Variants in CNTN5 observed in about 807,000 individuals in gnomAD.
CNTN5 encodes the protein contactin-5.
A neutral mutation model predicts 129.1 loss-of-function variants in CNTN5; 77 were observed. That is an observed-to-expected ratio of 0.60 (90% CI 0.50 to 0.72). CNTN5 has a LOEUF of 0.72. CNTN5 is among the 30% of genes least tolerant of loss of function. The pLI is 0.00. For synonymous variants in CNTN5, 509 were observed against 465.6 expected, an observed-to-expected ratio of 1.09 and a Z score of -1.20; for missense variants, 1,478 against 1,328.8, an observed-to-expected ratio of 1.11 and a Z score of -1.75.
chr11:99,960,055 TC>T (rs761804005), intron 8 of CNTN5, among the ~76,000 whole-genome samples: 14 of 152,156 alleles, frequency 9.2e-5, no homozygotes, highest in Non-Finnish European at 1.8e-4. Context: ...ACTTCTAACT[TC>T]CCTTTTTTGT....
chr11:99,070,042 C>T (rs1279283420), intron 1 of CNTN5, among the ~76,000 whole-genome samples: 1 of 152,204 alleles, frequency 6.6e-6, no homozygotes, highest in African/African-American at 2.4e-5. Flanking sequence ...GGCTGCCTCT[C>T]TCCAGCACAG....
chr11:100,243,072 G>T (rs2138687138), intron 16 of CNTN5, among the ~76,000 whole-genome samples: 1 of 152,286 alleles, frequency 6.6e-6, no homozygotes, highest in African/African-American at 2.4e-5. Context: ...TAATCCTTCA[G>T]AATTTTCTCA....
At chr11:99,631,458 A>G (rs573704816) in intron 3 of CNTN5, among the ~76,000 whole-genome samples, 11 of 152,158 alleles carry the variant, frequency 7.2e-5, no homozygotes, top group Non-Finnish European at 1.5e-4. Flanking sequence ...TTTAATTATA[A>G]AAACATTATT....
intron 3 of CNTN5, among the ~76,000 whole-genome samples, chr11:99,724,899 G>C (rs964280023): frequency 2.0e-5 from 3 of 152,124 alleles, no homozygotes; most frequent in Admixed American, 1.3e-4. Context: ...AAAGGACTCA[G>C]TAAGGCTAAT....
At position 100,271,379 on chromosome 11, in the gene CNTN5, TTTTC is replaced by T. The variant is rs1857451038; in HGVS notation, c.2314+142_2314+145del. 9.9e-6 allele frequency: 5 copies of T among 506,298 alleles called. 1 individual carries two copies. The South Asian group carries it at 2.1e-4, about 21-fold the overall frequency. 31.4% of individuals were successfully genotyped at this position (506,298 alleles called of 1,614,324 possible). A position where few individuals can be genotyped will look rare whatever the true frequency, so the allele number is the denominator to read the frequency against. On this transcript the variant is annotated intron_variant, in intron 18 of 24. Coordinates refer to ENST00000524871, the MANE Select transcript of CNTN5 (RefSeq NM_014361.4). ...CATTTACCTAAACATCATAAAATTA[TTTTC>T]TTTAAAATAATTATTTCATTTTATT...
At chr11:99,628,611 G>C (rs1591384219) in intron 3 of CNTN5, among the ~76,000 whole-genome samples, 2 of 147,146 alleles carry the variant, frequency 1.4e-5, no homozygotes, top group African/African-American at 5.1e-5. Flanking sequence ...GCTAAATAAT[G>C]ACACACACAC....
At chr11:100,021,880 C>A (rs995862254) in intron 9 of CNTN5, among the ~76,000 whole-genome samples, 9 of 152,094 alleles carry the variant, frequency 5.9e-5, no homozygotes, top group African/African-American at 2.2e-4. Context: ...AGTTAAAAAG[C>A]CAAAGAACTT....
rs12223046 is a variant in CNTN5 at position 100,333,253 on chromosome 11, C to T, written c.2731-7210C>T. Among the ~76,000 whole-genome samples, 3,153 of 151,870 alleles carry T rather than the reference C, an allele frequency of 0.021. 171 individuals carry two copies. In the East Asian group the frequency reaches 0.23, roughly 11 times the overall value. On this transcript the variant is annotated intron_variant, in intron 21 of 24. Coordinates refer to ENST00000524871, the MANE Select transcript of CNTN5 (RefSeq NM_014361.4). ...GATGTGGAAGACCTCTACAACAAAA[C>T]ACTGCTGAAAGAAATCATAGACAAC... is the stretch of plus-strand genomic sequence containing the variant.
At chr11:99,964,090 C>G (rs1951025788) in intron 8 of CNTN5, among the ~76,000 whole-genome samples, 1 of 152,202 alleles carries the variant, frequency 6.6e-6, no homozygotes, top group Non-Finnish European at 1.5e-5. Flanking sequence ...GATATACAAT[C>G]ATGTCATCTG....
intron 21 of CNTN5, chr11:100,336,768 C>T (rs1216192): frequency 0.24 from 64,571 of 271,186 alleles, 9,382 homozygotes; most frequent in East Asian, 0.63. Flanking sequence ...GTAGCTAGAG[C>T]GGTACGGCAG....
At chr11:99,787,709 A>G (rs572373490) in intron 3 of CNTN5, among the ~76,000 whole-genome samples, 19 of 152,182 alleles carry the variant, frequency 1.2e-4, no homozygotes, top group Non-Finnish European at 5.9e-5. Context: ...CATAAAGTAC[A>G]TGATTTGTCT....
intron 2 of CNTN5, among the ~76,000 whole-genome samples, chr11:99,388,414 C>CAAA (rs10652309): frequency 0.12 from 14,080 of 121,734 alleles, 2,036 homozygotes; most frequent in African/African-American, 0.33. Context: ...AACCCGGTCT[C>CAAA]AAAAAAAAAA....
In CNTN5 at chr11:99,422,510, TTATATTTTTATATA is replaced by T. The variant is rs1426067378; in HGVS notation, c.-71+97032_-71+97045del. On this transcript the variant is annotated intron_variant, in intron 2 of 24. Transcript: ENST00000524871. ...AAAAACAAAAGCGATTCATGTTACTTTATATTTTTATATATATATATATATATATATATATATAT... is the reference window on the plus strand; with the variant it reads ...AAAAACAAAAGCGATTCATGTTACTTTATATATATATATATATATATATAT... 2.5e-4 allele frequency among the ~76,000 whole-genome samples: 15 copies of T among 61,186 alleles called. No individual in the cohort carries two copies. The South Asian group carries it at 4.6e-3, about 19-fold the overall frequency. 40.1% of individuals were successfully genotyped at this position (61,186 alleles called of 152,430 possible). A position where few individuals can be genotyped will look rare whatever the true frequency, so the allele number is the denominator to read the frequency against.
rs866451669 is a variant in CNTN5 at position 99,597,824 on chromosome 11, C to T, written c.55+41555C>T. ...TGAGTAATCACCCCACAGCTTTCTC[C>T]GGTATTTTTCACTTCTGGATGCCTT... On this transcript the variant is annotated intron_variant, in intron 3 of 24. Coordinates refer to ENST00000524871, the MANE Select transcript of CNTN5 (RefSeq NM_014361.4). Among the ~76,000 whole-genome samples, 9 of 152,080 alleles carry T rather than the reference C, an allele frequency of 5.9e-5. No homozygotes were observed. The South Asian group carries it at 8.3e-4, about 14-fold the overall frequency.
At chr11:99,584,059 A>AT (rs1254010455) in intron 3 of CNTN5, among the ~76,000 whole-genome samples, 2 of 152,108 alleles carry the variant, frequency 1.3e-5, no homozygotes, top group Admixed American at 6.6e-5. Flanking sequence ...AGATCAGATA[A>AT]TTTTTTACTG....
intron 6 of CNTN5, among the ~76,000 whole-genome samples, chr11:99,876,795 G>A (rs1286674649): frequency 1.3e-5 from 2 of 152,118 alleles, no homozygotes; most frequent in South Asian, 2.1e-4. Flanking sequence ...GATATATTAA[G>A]TGATTTTCTA....
At chr11:99,750,295 C>A (rs1208434874) in intron 3 of CNTN5, among the ~76,000 whole-genome samples, 1 of 151,980 alleles carries the variant, frequency 6.6e-6, no homozygotes, top group East Asian at 1.9e-4. Context: ...ATCTATCTTA[C>A]CTCTAAATAA....
At chr11:100,248,995 G>A (rs981383591) in intron 16 of CNTN5, among the ~76,000 whole-genome samples, 6 of 152,112 alleles carry the variant, frequency 3.9e-5, no homozygotes, top group Admixed American at 1.3e-4. Context: ...AAAGCAAGAA[G>A]ACTCTTTTTG....
At chr11:99,177,449 A>G (rs115253501) in intron 1 of CNTN5, among the ~76,000 whole-genome samples, 36 of 152,372 alleles carry the variant, frequency 2.4e-4, no homozygotes, top group African/African-American at 8.2e-4. Context: ...GGCTATTGCT[A>G]TCACATCTGA....
Sources: gnomAD v4.1 joint callset for allele counts (sites outside exome capture counted in the v4.1 genomes callset) on GRCh38, gnomAD v4.1.1 for gene constraint, MANE v1.5 for transcripts, NCBI Gene and HGNC (gene_info 2026-07-23, HGNC 2026-07-21) for gene names.